The following GNAI2 variants were observed in gnomAD, a reference collection of about 807,000 sequenced individuals.
The protein encoded by GNAI2 is guanine nucleotide-binding protein G(i) subunit alpha-2.
In GNAI2, 4 loss-of-function variants were observed where a neutral mutation model predicts 36.8. The ratio of observed to expected loss-of-function variants is 0.11; its 90% confidence interval spans 0.05 to 0.25. The LOEUF is 0.25. GNAI2 is among the 10% of genes least tolerant of loss of function. GNAI2 has a pLI of 1.00. For missense variants in GNAI2, 230 were observed against 481.3 expected (o/e 0.48, Z 4.89); for synonymous variants, 194 against 194.1 (o/e 1.00, Z 0.01).
intron 8 of GNAI2, 139 bp downstream of exon 8, chr3:50,257,853 A>G: frequency 1.8e-6 from 1 of 567,064 alleles, no homozygotes; most frequent in Non-Finnish European, 3.1e-6. Context: ...AGGGAGGAGA[A>G]GGCCCAGGGT....
intron 1 of GNAI2, among the ~76,000 whole-genome samples, chr3:50,247,776 G>A (rs1700456459): frequency 6.6e-6 from 1 of 152,254 alleles, no homozygotes; most frequent in Admixed American, 6.5e-5. Flanking sequence ...GTGGGAAGAG[G>A]TGTGACTCAG....
At chr3:50,231,496 C>T (rs1478266964), upstream of GNAI2, among the ~76,000 whole-genome samples, 2 of 152,196 alleles carry the variant, frequency 1.3e-5, no homozygotes, top group Non-Finnish European at 2.9e-5. Context: ...CCAGGATAGT[C>T]GATCTCTTGA....
At chr3:50,254,409 C>T (rs1700639919) in intron 4 of GNAI2, among the ~76,000 whole-genome samples, 1 of 152,164 alleles carries the variant, frequency 6.6e-6, no homozygotes, top group South Asian at 2.1e-4. Flanking sequence ...CCTGAGCCTA[C>T]CCATAGGGTG....
rs782318742 is a variant in GNAI2, at chr3:50,257,639, C to T, written c.1017C>T (p.Ala339=). The change falls in exon 8 of 9, where the codon GCC becomes GCT. Residue 339 remains alanine, a synonymous_variant. Coordinates refer to ENST00000313601, the MANE Select transcript of GNAI2 (RefSeq NM_002070.4). ...DTKNVQFVFD[A]VTDVIIKNNL... ...AGAACGTGCAGTTCGTGTTTGACGC[C>T]GTCACCGATGTCATCATCAAGAACA... 13 of 1,606,636 alleles carry T rather than the reference C, an allele frequency of 8.1e-6. No individual in the cohort carries two copies. The East Asian group carries it at 1.3e-4, about 17-fold the overall frequency.
At chr3:50,249,344 C>T (rs1553702130) in intron 1 of GNAI2, among the ~76,000 whole-genome samples, 1 of 152,310 alleles carries the variant, frequency 6.6e-6, no homozygotes, top group East Asian at 1.9e-4. Context: ...GTGCTTTGAG[C>T]CCCAGGGGGA....
chr3:50,229,519 T>C (rs1319226289), upstream of GNAI2: 3 of 152,318 alleles, frequency 2.0e-5, no homozygotes, highest in East Asian at 5.8e-4. Flanking sequence ...CTGGAGACTT[T>C]GGAACCCCCT....
intron 1 of GNAI2, among the ~76,000 whole-genome samples, chr3:50,243,331 G>A (rs985884748): frequency 1.4e-4 from 22 of 152,358 alleles, no homozygotes; most frequent in Non-Finnish European, 2.5e-4. Context: ...GGACGCTGGC[G>A]GGAGGGCTAG....
intron 1 of GNAI2, among the ~76,000 whole-genome samples, chr3:50,244,900 C>T (rs1700381088): frequency 6.6e-6 from 1 of 152,158 alleles, no homozygotes; most frequent in African/African-American, 2.4e-5. Context: ...CATGGCCACC[C>T]AAGACTGTGG....
At chr3:50,254,166 C>A (rs1700633777) in intron 4 of GNAI2, among the ~76,000 whole-genome samples, 1 of 152,138 alleles carries the variant, frequency 6.6e-6, no homozygotes, top group African/African-American at 2.4e-5. Context: ...CAGTTCTGAA[C>A]TCCTTCCCTG....
upstream of GNAI2, chr3:50,236,148 C>T (rs1212195162): frequency 1.7e-6 from 2 of 1,152,786 alleles, no homozygotes; most frequent in African/African-American, 1.6e-5. This position sits in a 1 kb window ranked among gnomAD's most constrained non-coding sequence, Gnocchi z 4.0. Context: ...TCGCCCAGGC[C>T]CCACCCCCGG....
At position 50,256,173 on chromosome 3, in the gene GNAI2, T is replaced by TCCCCCCCC; in HGVS notation, c.465-16_465-15insCCCCCCCC. The TCCCCCCCC allele has an allele frequency of 1.9e-6, 1 of 517,100 alleles. No homozygotes were observed. The highest frequency in any genetic ancestry group is 3.3e-6 in the Non-Finnish European group (1 of 302,332). 32.0% of individuals were successfully genotyped at this position (517,100 alleles called of 1,614,324 possible). The stretch of plus-strand genomic sequence containing the variant: ...GCCCCATGCTGGCCCCCACTGACCC[T>TCCCCCCCC]CCCACCCCCCATCCCCAGCTACCTG... On this transcript the variant is annotated intron_variant, in intron 4 of 8. Transcript: ENST00000313601.
Position 50,253,259 on chromosome 3 carries a change from G to C in GNAI2, c.464+75G>C. 1 of 1,179,274 alleles carries C rather than the reference G, an allele frequency of 8.5e-7. No homozygotes were observed. The highest frequency in any genetic ancestry group is 1.2e-6 in the Non-Finnish European group (1 of 829,712). 73.1% of individuals were successfully genotyped at this position (1,179,274 alleles called of 1,614,324 possible). On this transcript the variant is annotated intron_variant, in intron 4 of 8. Coordinates refer to ENST00000313601, the MANE Select transcript of GNAI2 (RefSeq NM_002070.4). The surrounding 1 kb of genome is among the most constrained non-coding windows in gnomAD (Gnocchi z 4.2). ...CTAAAGGCTGGACCGGAGGGCCTGA[G>C]AACCCCCAGAAGGACACTGCTGGTC...
At chr3:50,227,112 AG>A, upstream of GNAI2, 1 of 1,370,508 alleles carries the variant, frequency 7.3e-7, no homozygotes, top group South Asian at 1.6e-5. The surrounding 1 kb of genome is among the most constrained non-coding windows in gnomAD (Gnocchi z 5.9). Context: ...CGCGAGAAGG[AG>A]GGAGCGTCTC....
Position 50,258,398 on chromosome 3 carries a change from C to A in GNAI2, c.*55C>A. The A allele has an allele frequency of 6.4e-6, 1 of 155,228 alleles. No individual in the cohort carries two copies. The highest frequency in any genetic ancestry group is 1.4e-5 in the Non-Finnish European group (1 of 69,924). The allele number at this position is 155,228 out of a possible 1,614,324, so 9.6% of individuals were successfully genotyped here. The stretch of plus-strand genomic sequence containing the variant: ...CCGCCGACTTTGTACCCCCCAACCC[C>A]TGAGGAAGATGGGGGCAAGAAGATC... On this transcript the variant is annotated 3_prime_UTR_variant, in exon 9 of 9. Coordinates refer to ENST00000313601, the MANE Select transcript of GNAI2 (RefSeq NM_002070.4).
intron 1 of GNAI2, among the ~76,000 whole-genome samples, chr3:50,244,961 C>G (rs1553701547): frequency 6.6e-6 from 1 of 152,080 alleles, no homozygotes; most frequent in Non-Finnish European, 1.5e-5. Context: ...GTCCTCTTCC[C>G]TCTCTGTATC....
At chr3:50,232,150 C>A (rs1227603209), upstream of GNAI2, among the ~76,000 whole-genome samples, 3 of 152,066 alleles carry the variant, frequency 2.0e-5, no homozygotes, top group South Asian at 2.1e-4. Context: ...GCCAACATGG[C>A]AAAACCCCAT....
chr3:50,246,253 G>A (rs1173615944), intron 1 of GNAI2, among the ~76,000 whole-genome samples: 1 of 152,194 alleles, frequency 6.6e-6, no homozygotes, highest in Non-Finnish European at 1.5e-5. Flanking sequence ...GGGCTGGTGG[G>A]TGGGACACCT....
Position 50,257,669 on chromosome 3 carries a change from G to A in GNAI2, c.1047G>A (p.Leu349=), listed in dbSNP as rs782021100. The A allele has an allele frequency of 6.9e-6, 11 of 1,588,214 alleles. No individual in the cohort carries two copies. The highest frequency in any genetic ancestry group is 8.6e-6 in the Non-Finnish European group (10 of 1,165,058). The change falls in exon 8 of 9, where the codon CTG becomes CTA. Residue 349 remains leucine, a synonymous_variant. Transcript: ENST00000313601. Reference sequence around the variant, plus strand: ...CCGATGTCATCATCAAGAACAACCTGAAGGACTGCGGCCTCTTCTGAGGGG... The same window carrying A: ...CCGATGTCATCATCAAGAACAACCTAAAGGACTGCGGCCTCTTCTGAGGGG... ...AVTDVIIKNN[L]KDCGLF
chr3:50,233,788 A>G (rs1408111124), upstream of GNAI2, among the ~76,000 whole-genome samples: 2 of 152,274 alleles, frequency 1.3e-5, no homozygotes, highest in South Asian at 4.1e-4. Context: ...TTCCAGGCCA[A>G]TGACCCCTCA....
Sources: allele counts gnomAD v4.1 joint callset (sites outside exome capture counted in the v4.1 genomes callset), GRCh38; gene constraint gnomAD v4.1.1; non-coding constraint Gnocchi (gnomAD v3.1); transcripts MANE v1.5; gene names NCBI Gene and HGNC (gene_info 2026-07-23, HGNC 2026-07-21).